CFAP54: variants seen among roughly 807,000 people sequenced by gnomAD.
CFAP54 encodes the protein cilia- and flagella-associated protein 54.
CFAP54 carries 290 observed loss-of-function variants against 370.4 expected under a neutral mutation model. The ratio of observed to expected loss-of-function variants is 0.78; its 90% confidence interval spans 0.71 to 0.86. CFAP54 has a LOEUF of 0.86. CFAP54 is among the 40% of genes least tolerant of loss of function. CFAP54 has a pLI of 0.00. For synonymous variants in CFAP54, 1,206 were observed against 1,236.5 expected, an observed-to-expected ratio of 0.98 and a Z score of 0.52; for missense variants, 3,399 against 3,528.7, an observed-to-expected ratio of 0.96 and a Z score of 0.93.
intron 66 of CFAP54, among the ~76,000 whole-genome samples, chr12:96,859,638 C>T (rs1565764617): frequency 6.6e-6 from 1 of 152,136 alleles, no homozygotes; most frequent in Non-Finnish European, 1.5e-5. Context: ...AACTCCTGAC[C>T]TTGTGATCCT....
chr12:96,655,919 C>T (rs1453812929), intron 36 of CFAP54, among the ~76,000 whole-genome samples: 2 of 151,854 alleles, frequency 1.3e-5, no homozygotes, highest in Non-Finnish European at 2.9e-5. Flanking sequence ...TTTTGTATAA[C>T]TAATTTTTAC....
At chr12:96,789,653 A>C (rs905779508) in intron 62 of CFAP54, among the ~76,000 whole-genome samples, 1 of 152,222 alleles carries the variant, frequency 6.6e-6, no homozygotes, top group Non-Finnish European at 1.5e-5. Flanking sequence ...CATTTCCTAA[A>C]GATTATGCTC....
chr12:96,670,423 T>C (rs954609135), intron 39 of CFAP54, among the ~76,000 whole-genome samples: 4 of 152,250 alleles, frequency 2.6e-5, no homozygotes, highest in Non-Finnish European at 4.4e-5. Context: ...AAAAAGATGT[T>C]GTAAATCTTG....
intron 65 of CFAP54, among the ~76,000 whole-genome samples, chr12:96,819,475 T>A (rs1292812916): frequency 9.9e-5 from 15 of 152,204 alleles, no homozygotes; most frequent in Non-Finnish European, 1.8e-4. Flanking sequence ...AATTATTGTT[T>A]TTTCTGGAGG....
At chr12:96,812,832 T>A (rs1027685229) in intron 64 of CFAP54, among the ~76,000 whole-genome samples, 2 of 152,220 alleles carry the variant, frequency 1.3e-5, no homozygotes, top group Admixed American at 1.3e-4. Context: ...TATTTTCAAT[T>A]GTTCAGTCAG....
In CFAP54 at chr12:96,592,511, A is replaced by G; in HGVS notation, c.3234A>G (p.Ala1078=). 1 of 731,190 alleles carries G rather than the reference A, an allele frequency of 1.4e-6. No individual in the cohort carries two copies. Among genetic ancestry groups the G allele is most frequent in the Non-Finnish European group, 2.1e-6 (1 of 472,520 alleles). 45.3% of individuals were successfully genotyped at this position (731,190 alleles called of 1,614,324 possible). A position where few individuals can be genotyped will look rare whatever the true frequency, so the allele number is the denominator to read the frequency against. ...GCAGATTACATTCAGATATTTTGGC[A>G]GAGACTTCTTCAATCCTCTTGTACC... ...TQRRLHSDIL[A]ETSSILLYLF... Residue 1078 remains alanine (A), a synonymous_variant, in exon 24 of 68, where the codon GCA becomes GCG. Transcript: ENST00000524981.
At chr12:96,722,644 G>T (rs182223664) in intron 50 of CFAP54, among the ~76,000 whole-genome samples, 1 of 152,136 alleles carries the variant, frequency 6.6e-6, no homozygotes. Flanking sequence ...CATTGTAAAG[G>T]GTTGGCTCTT....
intron 60 of CFAP54, among the ~76,000 whole-genome samples, chr12:96,772,795 T>C (rs1026447330): frequency 2.6e-5 from 4 of 152,098 alleles, no homozygotes; most frequent in African/African-American, 9.7e-5. Context: ...AATTTTTGTA[T>C]TTTTAGTAGA....
chr12:96,499,996 C>T (rs1438778149), intron 1 of CFAP54, among the ~76,000 whole-genome samples: 3 of 141,146 alleles, frequency 2.1e-5, no homozygotes, highest in Non-Finnish European at 4.9e-5. Flanking sequence ...AAAAACCGTG[C>T]GCATCAGTAT....
chr12:96,857,408 C>T (rs1288082273), intron 66 of CFAP54, among the ~76,000 whole-genome samples: 3 of 152,024 alleles, frequency 2.0e-5, no homozygotes, highest in South Asian at 2.1e-4. Context: ...TCTGTTCCTG[C>T]GTTAGTTTGC....
intron 50 of CFAP54, among the ~76,000 whole-genome samples, chr12:96,735,991 A>C (rs1309709889): frequency 6.6e-6 from 1 of 152,214 alleles, no homozygotes; most frequent in Non-Finnish European, 1.5e-5. Context: ...TAATAGAAGA[A>C]AACAAGGCAT....
rs927388494 is a variant in CFAP54 at position 96,875,214 on chromosome 12, T to C, written c.*111T>C. ...CCTTTGGAAATTTGGTGAGAAGAAG[T>C]AGTCATGATTCAATGTCTTGCTTGC... is the stretch of plus-strand genomic sequence containing the variant. On this transcript the variant is annotated 3_prime_UTR_variant, in exon 68 of 68. Coordinates refer to ENST00000524981, the MANE Select transcript of CFAP54 (RefSeq NM_001306084.2). 1.3e-5 allele frequency: 2 copies of C among 152,238 alleles called. No individual in the cohort carries two copies. The highest frequency in any genetic ancestry group is 2.9e-5 in the Non-Finnish European group (2 of 68,058). The allele number at this position is 152,238 out of a possible 1,614,324, so 9.4% of individuals were successfully genotyped here. A position where few individuals can be genotyped will look rare whatever the true frequency, so the allele number is the denominator to read the frequency against.
intron 67 of CFAP54, among the ~76,000 whole-genome samples, chr12:96,864,267 C>A (rs746361402): frequency 6.6e-6 from 1 of 152,082 alleles, no homozygotes; most frequent in African/African-American, 2.4e-5. Flanking sequence ...AGAAGGGGAA[C>A]AGACACAGGC....
chr12:96,830,592 A>G (rs1959167670), intron 66 of CFAP54, among the ~76,000 whole-genome samples: 1 of 152,210 alleles, frequency 6.6e-6, no homozygotes, highest in Non-Finnish European at 1.5e-5. Context: ...TTAATCCTCC[A>G]GAAATGTGGC....
chr12:96,531,062 T>C (rs1273382718), intron 9 of CFAP54, among the ~76,000 whole-genome samples: 3 of 152,202 alleles, frequency 2.0e-5, no homozygotes, highest in Non-Finnish European at 4.4e-5. Flanking sequence ...ATGTTCTGAA[T>C]ACAAGTCCTG....
At chr12:96,874,853 G>A (rs1382989976) in intron 67 of CFAP54, among the ~76,000 whole-genome samples, 1 of 151,456 alleles carries the variant, frequency 6.6e-6, no homozygotes, top group Non-Finnish European at 1.5e-5. Context: ...TCCTGACCTC[G>A]TGATCCGCCC....
At chr12:96,752,495 A>G (rs1456263483) in intron 55 of CFAP54, among the ~76,000 whole-genome samples, 1 of 152,176 alleles carries the variant, frequency 6.6e-6, no homozygotes, top group Non-Finnish European at 1.5e-5. Context: ...AGAGTCCTAC[A>G]CTGCCTTTCT....
At chr12:96,536,930 C>G (rs1955512652) in intron 12 of CFAP54, among the ~76,000 whole-genome samples, 1 of 151,976 alleles carries the variant, frequency 6.6e-6, no homozygotes, top group African/African-American at 2.4e-5. Flanking sequence ...GCCTGGCCCT[C>G]ATTAATCTGT....
At chr12:96,566,853 T>G (rs1041241364) in intron 19 of CFAP54, among the ~76,000 whole-genome samples, 10 of 152,176 alleles carry the variant, frequency 6.6e-5, no homozygotes, top group African/African-American at 1.9e-4. Context: ...AAGGGGGGAA[T>G]CTTTTATTTA....
Sources: allele counts gnomAD v4.1 joint callset (sites outside exome capture counted in the v4.1 genomes callset), GRCh38; gene constraint gnomAD v4.1.1; transcripts MANE v1.5; gene names NCBI Gene and HGNC (gene_info 2026-07-23, HGNC 2026-07-21).